SYT9: variants seen among roughly 807,000 people sequenced by gnomAD.
The protein encoded by SYT9 is synaptotagmin 9, also known as synaptotagmin-9.
A neutral mutation model predicts 48.4 loss-of-function variants in SYT9; 22 were observed. The ratio of observed to expected loss-of-function variants is 0.45; its 90% CI spans 0.32 to 0.65. SYT9 has a LOEUF of 0.65. Ranked by LOEUF, SYT9 falls within the 30% of genes least tolerant of loss-of-function variation. The pLI is 0.03. For synonymous variants in SYT9, 265 were observed against 245.0 expected (o/e 1.08, Z -0.76); for missense variants, 577 against 622.0 (o/e 0.93, Z 0.77).
chr11:7,349,072 A>G (rs1004298286), intron 3 of SYT9, among the ~76,000 whole-genome samples: 2 of 152,088 alleles, frequency 1.3e-5, no homozygotes, highest in East Asian at 1.9e-4. Flanking sequence ...TGGCTTCCAA[A>G]TGAGTCATAA....
At chr11:7,257,588 A>G (rs1016774391) in intron 1 of SYT9, among the ~76,000 whole-genome samples, 3 of 152,132 alleles carry the variant, frequency 2.0e-5, no homozygotes, top group African/African-American at 7.2e-5. Flanking sequence ...CTTGATTCAA[A>G]TTTTTCTAAG....
At position 7,403,800 on chromosome 11, in the gene SYT9, T is replaced by C. The variant is rs569561545; in HGVS notation, c.1045-12242T>C. 2.0e-5 allele frequency among the ~76,000 whole-genome samples: 3 copies of C among 152,262 alleles called. No homozygotes were observed. In the South Asian group the frequency reaches 6.2e-4, roughly 32 times the overall value. On this transcript the variant is annotated intron_variant, in intron 3 of 6. Coordinates refer to ENST00000318881, the MANE Select transcript of SYT9 (RefSeq NM_175733.4). ...GAATGTATATTCTATTACTGTTTGG[T>C]AAACGGCTCTTTATAAAATGCCATT...
chr11:7,347,369 T>A (rs1849818391), intron 3 of SYT9, among the ~76,000 whole-genome samples: 1 of 152,078 alleles, frequency 6.6e-6, no homozygotes, highest in Non-Finnish European at 1.5e-5. Flanking sequence ...GTAGCTGGGA[T>A]TATGGGCAAC....
intron 3 of SYT9, among the ~76,000 whole-genome samples, chr11:7,328,460 G>A (rs1000071053): frequency 2.0e-5 from 3 of 151,912 alleles, no homozygotes; most frequent in Non-Finnish European, 2.9e-5. Flanking sequence ...TACAATATGC[G>A]TTGTTAATTT....
chr11:7,344,452 G>C (rs59771894), intron 3 of SYT9, among the ~76,000 whole-genome samples: 1 of 152,044 alleles, frequency 6.6e-6, no homozygotes, highest in Non-Finnish European at 1.5e-5. Context: ...TTTCAGTGGC[G>C]TGTCAAAGAA....
intron 6 of SYT9, among the ~76,000 whole-genome samples, chr11:7,458,459 C>T (rs1848188074): frequency 1.3e-5 from 2 of 151,510 alleles, no homozygotes. Flanking sequence ...CCAGCCTGGG[C>T]AACAAGAGTG....
intron 3 of SYT9, among the ~76,000 whole-genome samples, chr11:7,375,268 A>G (rs576543208): frequency 6.6e-6 from 1 of 152,010 alleles, no homozygotes. Flanking sequence ...GTTCTGTTCT[A>G]TTGGTCTATG....
intron 6 of SYT9, among the ~76,000 whole-genome samples, chr11:7,448,084 T>C (rs1847969959): frequency 6.6e-6 from 1 of 152,226 alleles, no homozygotes; most frequent in Non-Finnish European, 1.5e-5. Flanking sequence ...TGCCTCTCTG[T>C]AGGGGCTTTA....
At chr11:7,446,308 A>G (rs1307213119) in intron 6 of SYT9, among the ~76,000 whole-genome samples, 4 of 152,250 alleles carry the variant, frequency 2.6e-5, no homozygotes, top group Non-Finnish European at 5.9e-5. Flanking sequence ...TAAGAATTAA[A>G]TAAGTTAATA....
intron 3 of SYT9, among the ~76,000 whole-genome samples, chr11:7,319,192 C>CTTTTTTTTTTTTTTTTTTTTTTTTTTT (rs71056795): frequency 7.0e-5 from 6 of 86,180 alleles, no homozygotes; most frequent in African/African-American, 1.3e-4. Flanking sequence ...TCTTCTTTTT[C>CTTTTTTTTTTTTTTTTTTTTTTTTTTT]TTTTTTTTTT....
At chr11:7,261,445 T>C (rs1848077517) in intron 1 of SYT9, among the ~76,000 whole-genome samples, 2 of 152,066 alleles carry the variant, frequency 1.3e-5, no homozygotes, top group African/African-American at 4.8e-5. Context: ...TATGTACAAA[T>C]GTAGATACCT....
chr11:7,361,455 C>G (rs575165487), intron 3 of SYT9, among the ~76,000 whole-genome samples: 3 of 152,242 alleles, frequency 2.0e-5, no homozygotes, highest in Non-Finnish European at 4.4e-5. Context: ...TGTATATAGT[C>G]AACTTTTATA....
At chr11:7,420,819 T>G (rs1025091450) in intron 6 of SYT9, among the ~76,000 whole-genome samples, 184 bp downstream of exon 6, 1 of 152,210 alleles carries the variant, frequency 6.6e-6, no homozygotes, top group Non-Finnish European at 1.5e-5. Context: ...TTCCCACCAG[T>G]CTGGTAGGTT....
chr11:7,418,067 G>GATGCCCC lies in SYT9; in HGVS notation c.1279_1280insCCCCATG (p.Val427AlafsTer9). On this transcript the variant is annotated frameshift_variant, in exon 5 of 7. Coordinates refer to ENST00000318881, the MANE Select transcript of SYT9 (RefSeq NM_175733.4). LOFTEE classifies it high-confidence loss of function. ...TGTTTACAACGAAGCCATAGTCTTT[G>GATGCCCC]ATGTCCCTCCCGAGAACATTGACCA... 6.2e-7 allele frequency: 1 copy of GATGCCCC among 1,614,140 alleles called. No homozygotes were observed. Among genetic ancestry groups the GATGCCCC allele is most frequent in the Non-Finnish European group, 8.5e-7 (1 of 1,180,020 alleles).
At chr11:7,397,108 TG>T (rs1411147260) in intron 3 of SYT9, among the ~76,000 whole-genome samples, 28 of 152,190 alleles carry the variant, frequency 1.8e-4, no homozygotes, top group African/African-American at 6.8e-4. Flanking sequence ...TATGTTTTCT[TG>T]TAGAAGATTC....
chr11:7,455,021 T>G (rs1329703431), intron 6 of SYT9, among the ~76,000 whole-genome samples: 2 of 152,252 alleles, frequency 1.3e-5, no homozygotes, highest in African/African-American at 2.4e-5. Context: ...AGGTTTTATT[T>G]GTTTTGACAT....
chr11:7,426,135 C>T (rs1262215085), intron 6 of SYT9, among the ~76,000 whole-genome samples: 1 of 152,088 alleles, frequency 6.6e-6, no homozygotes, highest in Non-Finnish European at 1.5e-5. Flanking sequence ...TAGGAGTCTC[C>T]TCTCTCCTTC....
intron 3 of SYT9, among the ~76,000 whole-genome samples, chr11:7,341,341 A>T (rs1279233813): frequency 6.6e-6 from 1 of 152,178 alleles, no homozygotes; most frequent in Non-Finnish European, 1.5e-5. Flanking sequence ...TCATCTTGAA[A>T]TGTAGCTCCC....
At chr11:7,321,860 G>T (rs1849343798) in intron 3 of SYT9, among the ~76,000 whole-genome samples, 1 of 152,158 alleles carries the variant, frequency 6.6e-6, no homozygotes, top group South Asian at 2.1e-4. Flanking sequence ...GTAACTTCTG[G>T]GTTGTTGCCA....
Sources: allele counts gnomAD v4.1 joint callset (sites outside exome capture counted in the v4.1 genomes callset), GRCh38; gene constraint gnomAD v4.1.1; transcripts MANE v1.5; gene names NCBI Gene and HGNC (gene_info 2026-07-23, HGNC 2026-07-21).